Variants in CSMD1 observed in about 807,000 individuals in gnomAD.
CSMD1 encodes CUB and Sushi multiple domains 1.
A neutral mutation model predicts 417.5 loss-of-function variants in CSMD1; 213 were observed. The ratio of observed to expected loss-of-function variants is 0.51; its 90% CI spans 0.46 to 0.57. The LOEUF is 0.57. Among genes scored for constraint, CSMD1 ranks in the 20% least tolerant of loss-of-function variants. The pLI, the probability that CSMD1 is intolerant of heterozygous loss-of-function variation, is 0.00. For missense variants in CSMD1, 6,923 were observed against 4,529.7 expected (o/e 1.53, Z -15.17); for synonymous variants, 2,862 against 1,736.8 (o/e 1.65, Z -16.11).
At chr8:4,708,424 T>C (rs6996296) in intron 1 of CSMD1, among the ~76,000 whole-genome samples, 49,987 of 151,854 alleles carry the variant, frequency 0.33, 9,430 homozygotes, top group Non-Finnish European at 0.43. Context: ...AAAGTAAAAC[T>C]GCTAATAGTT....
intron 6 of CSMD1, among the ~76,000 whole-genome samples, chr8:3,725,185 G>C (rs941025932): frequency 6.6e-6 from 1 of 152,118 alleles, no homozygotes; most frequent in Non-Finnish European, 1.5e-5. Context: ...AAGGCAAGGA[G>C]GTAGGTTCAA....
At chr8:4,432,013 C>G (rs559546549) in intron 2 of CSMD1, among the ~76,000 whole-genome samples, 39 of 152,150 alleles carry the variant, frequency 2.6e-4, no homozygotes, top group Non-Finnish European at 4.4e-4. Flanking sequence ...AATGTATTCT[C>G]AAAAGGCCTG....
chr8:4,605,899 T>A (rs1444655962), intron 2 of CSMD1, among the ~76,000 whole-genome samples: 1 of 152,104 alleles, frequency 6.6e-6, no homozygotes, highest in African/African-American at 2.4e-5. Flanking sequence ...TTTGGAATGT[T>A]CCCGAGATCA....
intron 2 of CSMD1, among the ~76,000 whole-genome samples, chr8:4,446,757 G>GTGTC (rs1798827937): frequency 7.6e-5 from 2 of 26,260 alleles, no homozygotes; most frequent in African/African-American, 1.3e-4. Context: ...GTGTGTGTCT[G>GTGTC]TGTGTGTGTG....
At chr8:4,087,701 T>C (rs1445033482) in intron 3 of CSMD1, among the ~76,000 whole-genome samples, 1 of 152,214 alleles carries the variant, frequency 6.6e-6, no homozygotes, top group African/African-American at 2.4e-5. Flanking sequence ...CTGCCTGGCA[T>C]CCTGCCTCCC....
chr8:3,470,958 A>G (rs538783564), intron 11 of CSMD1, among the ~76,000 whole-genome samples: 1 of 152,236 alleles, frequency 6.6e-6, no homozygotes, highest in African/African-American at 2.4e-5. Flanking sequence ...GTTTTGGCAG[A>G]TGACACCTAA....
chr8:3,768,081 T>A (rs1485104125), intron 5 of CSMD1, among the ~76,000 whole-genome samples: 1 of 152,066 alleles, frequency 6.6e-6, no homozygotes, highest in Non-Finnish European at 1.5e-5. Flanking sequence ...GTCCATATGA[T>A]TTAGAGTCAT....
chr8:4,493,119 G>A (rs1801791619), intron 2 of CSMD1, among the ~76,000 whole-genome samples: 2 of 152,212 alleles, frequency 1.3e-5, no homozygotes, highest in South Asian at 2.1e-4. Flanking sequence ...TGGAAGACCT[G>A]CTCTGGTACC....
At position 4,785,531 on chromosome 8, in the gene CSMD1, G is replaced by C. The variant is rs528793721; in HGVS notation, c.86-147973C>G. Among the ~76,000 whole-genome samples the C allele has an allele frequency of 2.1e-3, 315 of 152,204 alleles. 2 individuals are homozygous for C. The highest frequency in any genetic ancestry group is 3.4e-3 in the Non-Finnish European group (230 of 68,012). On this transcript the variant is annotated intron_variant, in intron 1 of 69. Coordinates refer to ENST00000635120, the MANE Select transcript of CSMD1 (RefSeq NM_033225.6). ...TACCCTAGACAGCACCAGAGAGCTT[G>C]GTTTCCTGAAATGCTGTGATTCACA...
At chr8:3,453,359 G>A (rs979464163) in intron 12 of CSMD1, among the ~76,000 whole-genome samples, 5 of 151,918 alleles carry the variant, frequency 3.3e-5, no homozygotes, top group Admixed American at 2.6e-4. Context: ...GCTGGCTTTT[G>A]AATGTGTTTG....
At chr8:4,338,423 T>C (rs938070629) in intron 3 of CSMD1, among the ~76,000 whole-genome samples, 2 of 152,080 alleles carry the variant, frequency 1.3e-5, no homozygotes, top group African/African-American at 4.8e-5. Flanking sequence ...AATCAAGACC[T>C]CATCAGAGCC....
chr8:4,311,507 G>C (rs879598519), intron 3 of CSMD1, among the ~76,000 whole-genome samples: 2 of 152,110 alleles, frequency 1.3e-5, no homozygotes, highest in Non-Finnish European at 2.9e-5. Flanking sequence ...CAGATCACCT[G>C]AGATCAGGAG....
rs569731928 is a variant in CSMD1, at chr8:4,022,450, G to A, written c.610+9455C>T. The stretch of plus-strand genomic sequence containing the variant: ...CAATACATCCATGGGCGTGGATGCA[G>A]ATAAGGACATTTGCAGCCTTGCTCA... On this transcript the variant is annotated intron_variant, in intron 4 of 69. Coordinates refer to ENST00000635120, the MANE Select transcript of CSMD1 (RefSeq NM_033225.6). Among the ~76,000 whole-genome samples the A allele has an allele frequency of 1.1e-4, 17 of 152,236 alleles. No homozygotes were observed. In the East Asian group the frequency reaches 3.3e-3, roughly 29 times the overall value.
At chr8:3,592,399 T>C (rs900728252) in intron 8 of CSMD1, among the ~76,000 whole-genome samples, 23 of 152,138 alleles carry the variant, frequency 1.5e-4, no homozygotes, top group African/African-American at 5.5e-4. Context: ...AAAGAAAAAA[T>C]ACATTAGGTA....
intron 3 of CSMD1, among the ~76,000 whole-genome samples, chr8:4,222,801 C>T (rs962458250): frequency 6.6e-6 from 1 of 152,138 alleles, no homozygotes; most frequent in Admixed American, 6.5e-5. Context: ...GCTGGTTGAG[C>T]TGACCTGAGG....
In CSMD1 at chr8:3,431,567, T is replaced by A. The variant is rs753589429; in HGVS notation, c.1562-21962A>T. On this transcript the variant is annotated intron_variant, in intron 12 of 69. Transcript: ENST00000635120. ...TTCCATCCCTTGTATGAGAGTTAAA[T>A]TATACTTTACTTGAATTTTCTTCTA... Among the ~76,000 whole-genome samples the A allele has an allele frequency of 2.0e-5, 3 of 152,158 alleles. No individual in the cohort carries two copies. In the East Asian group the frequency reaches 5.8e-4, roughly 29 times the overall value.
At chr8:4,866,660 T>G (rs1204022080) in intron 1 of CSMD1, among the ~76,000 whole-genome samples, 1 of 151,878 alleles carries the variant, frequency 6.6e-6, no homozygotes, top group African/African-American at 2.4e-5. Context: ...AATGCTCTCT[T>G]CTCTTTACCA....
rs942466272 is a variant in CSMD1, at chr8:3,433,652, C to G, written c.1562-24047G>C. 1.2e-4 allele frequency among the ~76,000 whole-genome samples: 19 copies of G among 152,254 alleles called. No homozygotes were observed. The East Asian group carries it at 3.3e-3, about 26-fold the overall frequency. On this transcript the variant is annotated intron_variant, in intron 12 of 69. Transcript: ENST00000635120. The stretch of plus-strand genomic sequence containing the variant: ...GGCCCATCAGATGGCCATTTAGCGC[C>G]CAACATTGGTGAGATGCTTCTCTCT...
At chr8:4,417,200 A>G (rs1050479518) in intron 3 of CSMD1, among the ~76,000 whole-genome samples, 1 of 152,090 alleles carries the variant, frequency 6.6e-6, no homozygotes, top group Non-Finnish European at 1.5e-5. Context: ...TATAAAATTT[A>G]TCAGTGTTCC....
Sources: allele counts gnomAD v4.1 joint callset (sites outside exome capture counted in the v4.1 genomes callset), GRCh38; gene constraint gnomAD v4.1.1; transcripts MANE v1.5; gene names NCBI Gene and HGNC (gene_info 2026-07-23, HGNC 2026-07-21).